SLC24A2: variants seen among roughly 807,000 people sequenced by gnomAD.
SLC24A2 encodes solute carrier family 24 member 2.
Under a neutral mutation model 62.0 loss-of-function variants are expected in SLC24A2, and 36 were observed. The observed-to-expected ratio is 0.58, with a 90% CI of 0.44 to 0.77. The LOEUF (loss-of-function observed/expected upper bound fraction) is 0.77. SLC24A2 is among the 30% of genes least tolerant of loss of function. The pLI is 0.00. For synonymous variants in SLC24A2, 358 were observed against 294.0 expected (o/e 1.22, Z -2.23); for missense variants, 846 against 817.9 (o/e 1.03, Z -0.42).
chr9:19,950,400 A>G, the SLC24A2 span, among the ~76,000 whole-genome samples: 69,837 of 151,874 alleles, frequency 0.46, 16,701 homozygotes, highest in Non-Finnish European at 0.53. Flanking sequence ...GTCCAGGGCC[A>G]GCAAGGTTTT....
At chr9:20,231,947 G>T in the SLC24A2 span, among the ~76,000 whole-genome samples, 1 of 152,160 alleles carries the variant, frequency 6.6e-6, no homozygotes, top group Non-Finnish European at 1.5e-5. Flanking sequence ...AGCATGAACG[G>T]TTGTTGAATT....
chr9:19,845,954 G>A, the SLC24A2 span, among the ~76,000 whole-genome samples: 5 of 151,502 alleles, frequency 3.3e-5, no homozygotes, highest in African/African-American at 1.2e-4. Flanking sequence ...CTGAGAATAT[G>A]TTTGGTATGA....
chr9:19,511,098 C>T lies in SLC24A2; in HGVS notation c.*5055G>A, dbSNP rs7867513. ...TGAGTGTGCCTGTGATTTCTACAGACGACTACATGCTCCGGGTGATTACAT... is the reference window on the plus strand; with the variant it reads ...TGAGTGTGCCTGTGATTTCTACAGATGACTACATGCTCCGGGTGATTACAT... On this transcript the variant is annotated 3_prime_UTR_variant, in exon 11 of 11. Coordinates refer to ENST00000341998, the MANE Select transcript of SLC24A2 (RefSeq NM_020344.4). The T allele has an allele frequency of 0.26, 40,229 of 151,964 alleles. 5,367 individuals carry two copies. Among genetic ancestry groups the T allele is most frequent in the Middle Eastern group, 0.38 (113 of 294 alleles). 9.4% of individuals were successfully genotyped at this position (151,964 alleles called of 1,614,324 possible).
Position 19,512,082 on chromosome 9 carries a change from G to A in SLC24A2, c.*4071C>T, listed in dbSNP as rs7871992. On this transcript the variant is annotated 3_prime_UTR_variant, in exon 11 of 11. Coordinates refer to ENST00000341998, the MANE Select transcript of SLC24A2 (RefSeq NM_020344.4). ...CAACTTTTTGTTAAAGTGGTCTGGG[G>A]GTGGGCTCCCTTTGTAGCTCATCTC... 5.3e-5 allele frequency: 8 copies of A among 152,252 alleles called. No homozygotes were observed. The highest frequency in any genetic ancestry group is 1.9e-4 in the African/African-American group (8 of 41,450). The allele number at this position is 152,252 out of a possible 1,614,324, so 9.4% of individuals were successfully genotyped here.
At chr9:19,519,858 TA>T (rs1833105120) in intron 10 of SLC24A2, among the ~76,000 whole-genome samples, 1 of 152,004 alleles carries the variant, frequency 6.6e-6, no homozygotes, top group South Asian at 2.1e-4. Context: ...AGACAGTGAA[TA>T]CTCACAGCAG....
intron 2 of SLC24A2, among the ~76,000 whole-genome samples, chr9:19,777,109 G>C (rs776027374): frequency 1.8e-4 from 27 of 152,334 alleles, no homozygotes; most frequent in Non-Finnish European, 2.2e-4. Flanking sequence ...TGGGGAGAGA[G>C]AGGAGAGCTA....
chr9:20,215,233 C>T, the SLC24A2 span, among the ~76,000 whole-genome samples: 2 of 152,314 alleles, frequency 1.3e-5, no homozygotes, highest in East Asian at 3.9e-4. Flanking sequence ...TACTCCCAAT[C>T]ATGAAAGCTC....
the SLC24A2 span, among the ~76,000 whole-genome samples, chr9:19,866,504 G>T: frequency 6.6e-6 from 1 of 152,054 alleles, no homozygotes; most frequent in African/African-American, 2.4e-5. Flanking sequence ...GTACACAATG[G>T]AGTATTATTC....
At chr9:19,721,919 T>A (rs1364130988) in intron 2 of SLC24A2, among the ~76,000 whole-genome samples, 1 of 152,202 alleles carries the variant, frequency 6.6e-6, no homozygotes, top group Non-Finnish European at 1.5e-5. Context: ...TTTTTTCAGA[T>A]AAATAGACCT....
chr9:19,863,778 G>A, the SLC24A2 span, among the ~76,000 whole-genome samples: 3 of 151,184 alleles, frequency 2.0e-5, no homozygotes, highest in Non-Finnish European at 4.4e-5. Context: ...ACAACCTGAT[G>A]GTGTATCTTA....
At chr9:20,017,252 G>C in the SLC24A2 span, among the ~76,000 whole-genome samples, 1 of 151,984 alleles carries the variant, frequency 6.6e-6, no homozygotes, top group East Asian at 1.9e-4. Flanking sequence ...CGAACTCCTG[G>C]CCTCAAGTGA....
chr9:19,846,509 G>T, the SLC24A2 span, among the ~76,000 whole-genome samples: 8 of 152,154 alleles, frequency 5.3e-5, no homozygotes, highest in Non-Finnish European at 1.0e-4. Context: ...GTCTCTTGAA[G>T]ACAGCAGATG....
the SLC24A2 span, among the ~76,000 whole-genome samples, chr9:20,252,023 G>C: frequency 2.6e-5 from 4 of 152,180 alleles, no homozygotes; most frequent in African/African-American, 9.7e-5. Context: ...CCCATTCCTA[G>C]ACCAATCACT....
chr9:20,016,339 G>T, the SLC24A2 span, among the ~76,000 whole-genome samples: 1 of 152,140 alleles, frequency 6.6e-6, no homozygotes, highest in East Asian at 1.9e-4. Context: ...CTAAGGCTTA[G>T]ATTAGGAAGA....
chr9:19,995,485 T>G, the SLC24A2 span, among the ~76,000 whole-genome samples: 4 of 152,122 alleles, frequency 2.6e-5, no homozygotes, highest in Non-Finnish European at 4.4e-5. Flanking sequence ...TGGGGCCATG[T>G]GAGAATACCT....
the SLC24A2 span, among the ~76,000 whole-genome samples, chr9:19,934,566 G>A: frequency 6.6e-6 from 1 of 152,182 alleles, no homozygotes; most frequent in Non-Finnish European, 1.5e-5. This position sits in a 1 kb window ranked among gnomAD's most constrained non-coding sequence, Gnocchi z 4.1. Flanking sequence ...GGAGCCTCCT[G>A]CGCTGCCTGC....
the SLC24A2 span, among the ~76,000 whole-genome samples, chr9:19,954,983 T>C: frequency 2.0e-5 from 3 of 151,786 alleles, no homozygotes; most frequent in South Asian, 6.3e-4. Context: ...AGGCTGCCAT[T>C]TTTTTTTAGT....
intron 8 of SLC24A2, among the ~76,000 whole-genome samples, chr9:19,541,970 C>T (rs569881542): frequency 6.6e-6 from 1 of 152,336 alleles, no homozygotes; most frequent in African/African-American, 2.4e-5. Flanking sequence ...CCCGATTTTC[C>T]AGGTGCCGTC....
At chr9:19,573,694 C>T (rs1331304831) in intron 6 of SLC24A2, among the ~76,000 whole-genome samples, 9 of 152,032 alleles carry the variant, frequency 5.9e-5, no homozygotes, top group Non-Finnish European at 1.3e-4. Flanking sequence ...GGATTTTTAC[C>T]GTTCTTCCCC....
Sources: gnomAD v4.1 joint callset for allele counts (sites outside exome capture counted in the v4.1 genomes callset) on GRCh38, gnomAD v4.1.1 for gene constraint, Gnocchi (gnomAD v3.1) non-coding constraint, MANE v1.5 for transcripts, NCBI Gene and HGNC (gene_info 2026-07-23, HGNC 2026-07-21) for gene names.